PTH2R: variants seen among roughly 807,000 people sequenced by gnomAD.
The protein encoded by PTH2R is PTH2 receptor.
PTH2R carries 59 observed loss-of-function variants against 60.3 expected under a neutral mutation model. The ratio of observed to expected loss-of-function variants is 0.98; its 90% CI spans 0.79 to 1.22. The LOEUF (loss-of-function observed/expected upper bound fraction) is 1.22. Among genes scored for constraint, PTH2R ranks in the 50% most tolerant of loss-of-function variants. PTH2R has a pLI of 0.00. For missense variants in PTH2R, 749 were observed against 682.6 expected (o/e 1.10, Z -1.08); for synonymous variants, 256 against 243.8 (o/e 1.05, Z -0.47).
chr2:208,462,467 G>A (rs1702652808), intron 9 of PTH2R, among the ~76,000 whole-genome samples: 1 of 152,192 alleles, frequency 6.6e-6, no homozygotes, highest in Non-Finnish European at 1.5e-5. Flanking sequence ...ATTGTGTGAT[G>A]TGTAACACCA....
intron 9 of PTH2R, among the ~76,000 whole-genome samples, chr2:208,474,378 C>A (rs142356980): frequency 6.6e-6 from 1 of 152,090 alleles, no homozygotes; most frequent in Non-Finnish European, 1.5e-5. Flanking sequence ...GTCTTTCTGA[C>A]GCCATCATGA....
rs146190360 is a variant in PTH2R, at chr2:208,420,954, C to T, written c.76-7247C>T. 2.6e-3 allele frequency among the ~76,000 whole-genome samples: 403 copies of T among 152,254 alleles called. 1 individual carries two copies. The highest frequency in any genetic ancestry group is 8.7e-3 in the African/African-American group (363 of 41,544). On this transcript the variant is annotated intron_variant, in intron 1 of 12. Coordinates refer to ENST00000272847, the MANE Select transcript of PTH2R (RefSeq NM_005048.4). ...ACTTACTTCTCCCTTCCCTGCAACA[C>T]CTGGCAACTACTAATTGGTTTTTTG...
intron 8 of PTH2R, among the ~76,000 whole-genome samples, chr2:208,459,232 C>T (rs1026035670): frequency 6.6e-6 from 1 of 152,046 alleles, no homozygotes; most frequent in African/African-American, 2.4e-5. Flanking sequence ...GAGGGAACTA[C>T]TAAGGTGTTA....
chr2:208,385,847 C>T (rs1302716220), intron 1 of PTH2R, among the ~76,000 whole-genome samples: 1 of 152,210 alleles, frequency 6.6e-6, no homozygotes, highest in African/African-American at 2.4e-5. Flanking sequence ...CAAAATTGTA[C>T]TGGGTCAATT....
intron 9 of PTH2R, among the ~76,000 whole-genome samples, chr2:208,468,765 T>C (rs577400343): frequency 4.6e-5 from 7 of 152,332 alleles, no homozygotes; most frequent in African/African-American, 1.7e-4. Flanking sequence ...TCACAGTATA[T>C]CATGTCTTTC....
chr2:208,493,179 T>C, intron 12 of PTH2R, 85 bp from the exon 13 acceptor site: 2 of 1,348,070 alleles, frequency 1.5e-6, no homozygotes, highest in Non-Finnish European at 1.9e-6. Context: ...ATTGCTGTCA[T>C]TGAAATCAAG....
rs146657481 is a variant in PTH2R at position 208,468,937 on chromosome 2, T to A, written c.981+8976T>A. On this transcript the variant is annotated intron_variant, in intron 9 of 12. Coordinates refer to ENST00000272847, the MANE Select transcript of PTH2R (RefSeq NM_005048.4). ...AAACAAAACATGCATATAAAATAGATATCATGGGGAACTGGGAAGAGGAAA... is the reference window on the plus strand; with the variant it reads ...AAACAAAACATGCATATAAAATAGAAATCATGGGGAACTGGGAAGAGGAAA... 2.0e-5 allele frequency among the ~76,000 whole-genome samples: 3 copies of A among 152,234 alleles called. No individual in the cohort carries two copies. The East Asian group carries it at 5.8e-4, about 29-fold the overall frequency.
At chr2:208,421,967 T>C (rs1701765814) in intron 1 of PTH2R, among the ~76,000 whole-genome samples, 1 of 152,202 alleles carries the variant, frequency 6.6e-6, no homozygotes, top group Non-Finnish European at 1.5e-5. Flanking sequence ...TACAAACAGA[T>C]TTATTGTGAG....
chr2:208,478,691 C>A (rs866761690), intron 9 of PTH2R, among the ~76,000 whole-genome samples: 14 of 152,180 alleles, frequency 9.2e-5, no homozygotes, highest in Admixed American at 2.6e-4. Flanking sequence ...TCTTAAATTT[C>A]TGTCTCCATC....
intron 1 of PTH2R, among the ~76,000 whole-genome samples, chr2:208,412,691 T>C (rs376162669): frequency 3.9e-5 from 6 of 152,150 alleles, no homozygotes; most frequent in Admixed American, 3.3e-4. Context: ...AGTGGCAAAA[T>C]TATGGGTCTC....
rs557369564 is a variant in PTH2R at position 208,398,877 on chromosome 2, G to A, written c.-258-29324G>A. ...ACTTGACTCAGAATTCAAAGGACCA[G>A]GCAAACACCAGGCACAAATAAAACA... On this transcript the variant is annotated intron_variant, in intron 1 of 12. Coordinates refer to the PTH2R transcript ENST00000617735. 6.9e-4 allele frequency among the ~76,000 whole-genome samples: 105 copies of A among 152,254 alleles called. 1 individual carries two copies. Among genetic ancestry groups the A allele is most frequent in the Middle Eastern group, 3.4e-3 (1 of 294 alleles).
intron 1 of PTH2R, among the ~76,000 whole-genome samples, chr2:208,391,683 C>T (rs1028205808): frequency 4.6e-5 from 7 of 152,090 alleles, no homozygotes; most frequent in African/African-American, 1.7e-4. Context: ...CCTGTAATGC[C>T]CCCAAATACT....
intron 1 of PTH2R, among the ~76,000 whole-genome samples, chr2:208,416,021 G>T (rs1701633059): frequency 6.6e-6 from 1 of 152,088 alleles, no homozygotes; most frequent in Non-Finnish European, 1.5e-5. Flanking sequence ...CAAAGCAAAT[G>T]ATTTTAAGGG....
intron 9 of PTH2R, among the ~76,000 whole-genome samples, chr2:208,479,644 G>A (rs1230300490): frequency 6.6e-6 from 1 of 152,196 alleles, no homozygotes; most frequent in Non-Finnish European, 1.5e-5. Context: ...TCTGTGAGCT[G>A]CGAGTTGTAG....
intron 2 of PTH2R, 23 bp downstream of exon 2, chr2:208,428,326 C>T: frequency 6.5e-7 from 1 of 1,545,896 alleles, no homozygotes; most frequent in African/African-American, 1.4e-5. Flanking sequence ...AGAAAATTGG[C>T]TCTCCTTGTG....
At chr2:208,457,246 A>C (rs1474984861) in intron 8 of PTH2R, among the ~76,000 whole-genome samples, 2 of 152,244 alleles carry the variant, frequency 1.3e-5, no homozygotes, top group Non-Finnish European at 2.9e-5. Context: ...TGCATAACTC[A>C]GTAACATTGT....
At chr2:208,359,699 G>T (rs931188193), upstream of PTH2R, 1 of 152,508 alleles carries the variant, frequency 6.6e-6, no homozygotes, top group Non-Finnish European at 1.5e-5. Flanking sequence ...AGGGCTCTCC[G>T]CTGCCAGTGC....
chr2:208,379,787 G>A (rs1700877167), intron 1 of PTH2R, among the ~76,000 whole-genome samples: 1 of 151,810 alleles, frequency 6.6e-6, no homozygotes, highest in Non-Finnish European at 1.5e-5. Flanking sequence ...TTGAACCTGG[G>A]AGATGGAGGT....
intron 1 of PTH2R, among the ~76,000 whole-genome samples, chr2:208,415,846 C>T (rs189218065): frequency 1.8e-4 from 27 of 152,108 alleles, no homozygotes; most frequent in Non-Finnish European, 3.4e-4. Context: ...GTTAGCTAAG[C>T]GAGGAAAGCC....
Sources: allele counts gnomAD v4.1 joint callset (sites outside exome capture counted in the v4.1 genomes callset), GRCh38; gene constraint gnomAD v4.1.1; transcripts MANE v1.5; gene names NCBI Gene and HGNC (gene_info 2026-07-23, HGNC 2026-07-21).